Variants in BEND2 observed in about 807,000 individuals in gnomAD.
The protein encoded by BEND2 is BEN domain containing 2.
A neutral mutation model predicts 43.8 loss-of-function variants in BEND2; 19 were observed. The observed-to-expected ratio is 0.43, with a 90% CI of 0.30 to 0.64. BEND2 has a LOEUF of 0.64. BEND2 is among the 30% of genes least tolerant of loss of function. The pLI is 0.11. For missense variants in BEND2, 544 were observed against 574.0 expected, an observed-to-expected ratio of 0.95 and a Z score of 0.53; for synonymous variants, 226 against 210.1, an observed-to-expected ratio of 1.08 and a Z score of -0.66.
chrX:18,216,764 C>A (rs759949552), intron 1 of BEND2, 31 bp from the exon 2 acceptor site: 4 of 1,022,718 alleles, frequency 3.9e-6, no homozygotes, highest in Non-Finnish European at 5.5e-6. Flanking sequence ...AGATTAGATT[C>A]AATATCACAT....
intron 1 of BEND2, among the ~76,000 whole-genome samples, chrX:18,219,974 G>A (rs1925810505): frequency 9.0e-6 from 1 of 111,579 alleles, no homozygotes; most frequent in Non-Finnish European, 1.9e-5. Flanking sequence ...AAACCTCTGT[G>A]AAAGTCTGAG....
At chrX:18,196,329 A>C (rs776698652) in intron 6 of BEND2, among the ~76,000 whole-genome samples, 3 of 110,395 alleles carry the variant, frequency 2.7e-5, no homozygotes, top group Non-Finnish European at 3.8e-5. Context: ...GAAGAGAAAA[A>C]AGAAAGATAA....
intron 4 of BEND2, among the ~76,000 whole-genome samples, chrX:18,212,270 T>A (rs190821322): frequency 1.9e-3 from 211 of 109,537 alleles, no homozygotes; most frequent in Non-Finnish European, 2.1e-3. Flanking sequence ...AATTTTTTTT[T>A]TTATTTTTAG....
At chrX:18,170,079 C>T (rs1223336706) in intron 13 of BEND2, among the ~76,000 whole-genome samples, 1 of 111,094 alleles carries the variant, frequency 9.0e-6, no homozygotes, top group Non-Finnish European at 1.9e-5. Context: ...GTTTTTTTGC[C>T]TAGTAGGTTA....
chrX:18,180,765 G>A, intron 8 of BEND2, 115 bp from the exon 9 acceptor site: 1 of 520,177 alleles, frequency 1.9e-6, no homozygotes. Context: ...GTTGCCAGCA[G>A]ACCTACTCTT....
At chrX:18,191,690 A>T (rs770384318) in intron 7 of BEND2, among the ~76,000 whole-genome samples, 1 of 112,047 alleles carries the variant, frequency 8.9e-6, no homozygotes, top group South Asian at 3.7e-4. Context: ...AGCACTCAGC[A>T]ATAAAAAAGA....
Position 18,191,206 on chromosome X carries a change from G to A in BEND2, c.1181-98C>T, listed in dbSNP as rs149774100. 636 of 607,125 alleles carry A rather than the reference G, an allele frequency of 1.0e-3. 5 individuals are homozygous for A. The African/African-American group carries it at 0.012, about 12-fold the overall frequency. 50.0% of individuals were successfully genotyped at this position (607,125 alleles called of 1,213,427 possible). A position where few individuals can be genotyped will look rare whatever the true frequency, so the allele number is the denominator to read the frequency against. On this transcript the variant is annotated intron_variant, in intron 7 of 13. Transcript: ENST00000380033. ...TTAGATCAGGTGAAACTATCCTTCA[G>A]GAATAAAAGAAAAATAAAGACATTC...
chrX:18,182,785 A>G (rs761196375), intron 8 of BEND2, among the ~76,000 whole-genome samples: 3 of 111,410 alleles, frequency 2.7e-5, no homozygotes, highest in Non-Finnish European at 5.7e-5. Context: ...TTATGCCTGT[A>G]ATCCCAGCAC....
At chrX:18,187,665 C>T (rs1018705988) in intron 8 of BEND2, among the ~76,000 whole-genome samples, 2 of 111,797 alleles carry the variant, frequency 1.8e-5, no homozygotes, top group East Asian at 2.8e-4. Flanking sequence ...GAACATTTCA[C>T]GGATATATTA....
chrX:18,183,434 G>T (rs929279805), intron 8 of BEND2, among the ~76,000 whole-genome samples: 9 of 112,512 alleles, frequency 8.0e-5, no homozygotes, highest in African/African-American at 2.9e-4. Context: ...CAGCTTCGGA[G>T]CTAGATGGCT....
At chrX:18,175,586 A>G (rs762235264) in intron 11 of BEND2, among the ~76,000 whole-genome samples, 295 of 111,798 alleles carry the variant, frequency 2.6e-3, no homozygotes, top group Non-Finnish European at 4.4e-3. Flanking sequence ...AAGTGCCTGC[A>G]TTTTCCCCTG....
intron 8 of BEND2, among the ~76,000 whole-genome samples, chrX:18,185,012 G>GT (rs2147403410): frequency 9.1e-6 from 1 of 109,553 alleles, no homozygotes; most frequent in Non-Finnish European, 1.9e-5. Context: ...GAAAAATGCG[G>GT]TTGACATACT....
intron 4 of BEND2, among the ~76,000 whole-genome samples, chrX:18,208,258 C>A (rs1051881992): frequency 2.7e-5 from 3 of 110,252 alleles, no homozygotes; most frequent in Non-Finnish European, 5.7e-5. Context: ...GAGGCCGGGG[C>A]GGGTGGATCA....
rs374513037 is a variant in BEND2, at chrX:18,195,375, T to C, written c.1101A>G (p.Thr367=). 1.3e-4 allele frequency: 159 copies of C among 1,207,304 alleles called. No homozygotes were observed. Among genetic ancestry groups the C allele is most frequent in the Non-Finnish European group, 1.6e-4 (146 of 893,582 alleles). Residue 367 remains threonine (T), a synonymous_variant, in exon 7 of 14, where the codon ACA becomes ACG. Coordinates refer to ENST00000380033, the MANE Select transcript of BEND2 (RefSeq NM_153346.5). Reference sequence around the variant, plus strand: ...TTCCCGATAAAGCTGGGTAATACACTGTCTGAGAGTTATTTTCCACGTTGG... The same window carrying C: ...TTCCCGATAAAGCTGGGTAATACACCGTCTGAGAGTTATTTTCCACGTTGG... ...TETNVENNSQ[T]VYYPALSGNT... is the part of the protein sequence containing the mutation.
At chrX:18,176,390 G>A (rs867410552) in intron 10 of BEND2, among the ~76,000 whole-genome samples, 1,406 of 77,488 alleles carry the variant, frequency 0.018, 22 homozygotes, top group African/African-American at 0.061. Context: ...AAAAAAAAAA[G>A]TGTGTAGGCC....
chrX:18,180,790 TTTC>T, intron 8 of BEND2, 140 bp from the exon 9 acceptor site: 1 of 477,879 alleles, frequency 2.1e-6, no homozygotes, highest in Non-Finnish European at 3.4e-6. Context: ...TTTTTCTTTC[TTTC>T]TTTTTTTTTT....
At chrX:18,206,451 A>G (rs1925335780) in intron 4 of BEND2, among the ~76,000 whole-genome samples, 1 of 111,225 alleles carries the variant, frequency 9.0e-6, no homozygotes, top group Non-Finnish European at 1.9e-5. Flanking sequence ...CTGTCATGGG[A>G]AGGAGAGAGT....
chrX:18,169,547 A>G (rs181823437), intron 13 of BEND2, among the ~76,000 whole-genome samples: 71 of 111,921 alleles, frequency 6.3e-4, no homozygotes, highest in African/African-American at 2.3e-3. Context: ...CTCTTCTCTC[A>G]TATCTGGTCA....
intron 12 of BEND2, 118 bp downstream of exon 12, chrX:18,173,912 T>C: frequency 1.1e-5 from 7 of 615,882 alleles, no homozygotes; most frequent in Non-Finnish European, 1.7e-5. Flanking sequence ...TGATGAAATT[T>C]CTCAAACACA....
Sources: allele counts gnomAD v4.1 joint callset (sites outside exome capture counted in the v4.1 genomes callset), GRCh38; gene constraint gnomAD v4.1.1; transcripts MANE v1.5; gene names NCBI Gene and HGNC (gene_info 2026-07-23, HGNC 2026-07-21).